Variants in SPPL2A observed in about 807,000 individuals in gnomAD.
The protein encoded by SPPL2A is signal peptide peptidase like 2A, also known as signal peptide peptidase-like 2A.
A neutral mutation model predicts 63.8 loss-of-function variants in SPPL2A; 51 were observed. The ratio of observed to expected loss-of-function variants is 0.80; its 90% CI spans 0.64 to 1.01. SPPL2A has a LOEUF of 1.01. Ranked by LOEUF, SPPL2A falls within the 50% of genes least tolerant of loss-of-function variation. SPPL2A has a pLI of 0.00. For missense variants in SPPL2A, 553 were observed against 622.7 expected, an observed-to-expected ratio of 0.89 and a Z score of 1.19; for synonymous variants, 188 against 205.8, an observed-to-expected ratio of 0.91 and a Z score of 0.74.
chr15:50,731,828 T>A (rs1033884724), intron 9 of SPPL2A, among the ~76,000 whole-genome samples: 4 of 141,428 alleles, frequency 2.8e-5, no homozygotes, highest in Non-Finnish European at 4.5e-5. Context: ...CTTGGGAGGC[T>A]GAGACAGGAG....
intron 14 of SPPL2A, among the ~76,000 whole-genome samples, chr15:50,712,590 C>T (rs1176722605): frequency 6.6e-6 from 1 of 151,886 alleles, no homozygotes; most frequent in Non-Finnish European, 1.5e-5. Flanking sequence ...CATCCACCTG[C>T]CTCACACCAA....
intron 1 of SPPL2A, among the ~76,000 whole-genome samples, chr15:50,752,061 C>T (rs1409968349): frequency 6.6e-6 from 1 of 151,972 alleles, no homozygotes; most frequent in Non-Finnish European, 1.5e-5. Flanking sequence ...GAACTCCTGA[C>T]CTCAGGTGAT....
chr15:50,721,995 C>A, intron 13 of SPPL2A, 129 bp downstream of exon 13: 1 of 576,976 alleles, frequency 1.7e-6, no homozygotes, highest in Non-Finnish European at 3.1e-6. Flanking sequence ...TGCCTTGGCC[C>A]CCAAAGTGCT....
chr15:50,745,277 A>G (rs1360240321), intron 5 of SPPL2A, among the ~76,000 whole-genome samples: 1 of 152,076 alleles, frequency 6.6e-6, no homozygotes, highest in Non-Finnish European at 1.5e-5. Context: ...CAGGCTCCTG[A>G]GTAGCTGGGA....
chr15:50,710,071 C>T (rs934534692), intron 14 of SPPL2A, among the ~76,000 whole-genome samples: 5 of 152,136 alleles, frequency 3.3e-5, no homozygotes, highest in African/African-American at 1.2e-4. Context: ...TATATTTAGG[C>T]CCCTCTTCTT....
intron 13 of SPPL2A, among the ~76,000 whole-genome samples, chr15:50,721,703 C>T (rs2062648293): frequency 6.6e-6 from 1 of 151,646 alleles, no homozygotes; most frequent in Non-Finnish European, 1.5e-5. Context: ...CTCCCAGGTT[C>T]AAGTGATTCT....
Position 50,705,915 on chromosome 15 carries a change from C to G in SPPL2A, c.*1885G>C, listed in dbSNP as rs2062504416. Reference sequence around the variant, plus strand: ...TGAAAAATCCTGCTGCCTTTGTTATCACTTGTCATTTGCGAAATTCTTACT... The same window carrying G: ...TGAAAAATCCTGCTGCCTTTGTTATGACTTGTCATTTGCGAAATTCTTACT... On this transcript the variant is annotated 3_prime_UTR_variant, in exon 15 of 15. Coordinates refer to ENST00000261854, the MANE Select transcript of SPPL2A (RefSeq NM_032802.4). 1 of 152,168 alleles carries G rather than the reference C, an allele frequency of 6.6e-6. No homozygotes were observed. The highest frequency in any genetic ancestry group is 1.5e-5 in the Non-Finnish European group (1 of 68,030). 9.4% of individuals were successfully genotyped at this position (152,168 alleles called of 1,614,324 possible). A position where few individuals can be genotyped will look rare whatever the true frequency, so the allele number is the denominator to read the frequency against.
chr15:50,725,364 AAAC>A (rs1179756879), intron 11 of SPPL2A, 41 bp from the exon 12 acceptor site: 1 of 1,093,176 alleles, frequency 9.1e-7, no homozygotes, highest in Non-Finnish European at 1.4e-6. Flanking sequence ...ACAAAACAAA[AAAC>A]AAAACAGAGG....
intron 1 of SPPL2A, among the ~76,000 whole-genome samples, chr15:50,761,881 G>A (rs150468552): frequency 9.5e-4 from 145 of 152,006 alleles, no homozygotes; most frequent in African/African-American, 3.3e-3. Context: ...GCAGTGAGCC[G>A]AGATAAGGCC....
intron 13 of SPPL2A, among the ~76,000 whole-genome samples, chr15:50,721,851 C>T (rs923675401): frequency 1.3e-5 from 2 of 151,896 alleles, no homozygotes; most frequent in African/African-American, 4.8e-5. Context: ...TATGATCTGC[C>T]TGCCTCGGCC....
At chr15:50,744,481 A>G (rs2062843528) in intron 5 of SPPL2A, among the ~76,000 whole-genome samples, 4 of 152,224 alleles carry the variant, frequency 2.6e-5, no homozygotes, top group Admixed American at 2.0e-4. Flanking sequence ...CATACATGAA[A>G]TAATATGCTC....
chr15:50,730,192 A>G (rs1184909665), intron 10 of SPPL2A, among the ~76,000 whole-genome samples: 2 of 152,148 alleles, frequency 1.3e-5, no homozygotes, highest in Admixed American at 1.3e-4. Flanking sequence ...CAAATAATTA[A>G]GGACCACCAT....
chr15:50,719,918 T>G (rs377103924), intron 14 of SPPL2A, 22 bp downstream of exon 14: 4 of 1,578,954 alleles, frequency 2.5e-6, no homozygotes, highest in Non-Finnish European at 3.4e-6. Flanking sequence ...GATAACTTGG[T>G]AACCAAAGTA....
At chr15:50,753,805 CT>C (rs992247525) in intron 1 of SPPL2A, among the ~76,000 whole-genome samples, 1 of 150,778 alleles carries the variant, frequency 6.6e-6, no homozygotes, top group Non-Finnish European at 1.5e-5. Flanking sequence ...CTCTTTTTTT[CT>C]TTTTTTTTGA....
At chr15:50,725,973 T>C in intron 11 of SPPL2A, 2 of 677,182 alleles carry the variant, frequency 3.0e-6, no homozygotes, top group Non-Finnish European at 4.4e-6. Flanking sequence ...CAGGCCTAAT[T>C]TTTTTTGGCA....
At chr15:50,749,926 A>T (rs2062893642) in intron 1 of SPPL2A, 180 bp from the exon 2 acceptor site, 2 of 594,632 alleles carry the variant, frequency 3.4e-6, no homozygotes, top group South Asian at 4.0e-5. Flanking sequence ...TTAAAACTAT[A>T]CACAATTGCC....
At chr15:50,733,429 C>A (rs1388591831) in intron 8 of SPPL2A, among the ~76,000 whole-genome samples, 2 of 151,726 alleles carry the variant, frequency 1.3e-5, no homozygotes, top group Non-Finnish European at 2.9e-5. Context: ...TTCTTATATC[C>A]CCCTCTTTCT....
intron 5 of SPPL2A, among the ~76,000 whole-genome samples, chr15:50,744,443 A>G (rs1266076667): frequency 6.6e-6 from 1 of 152,174 alleles, no homozygotes; most frequent in Non-Finnish European, 1.5e-5. Flanking sequence ...CTATAGATCA[A>G]TTCACAAGGC....
chr15:50,723,163 C>T (rs970496270), intron 12 of SPPL2A, among the ~76,000 whole-genome samples: 2 of 152,058 alleles, frequency 1.3e-5, no homozygotes, highest in African/African-American at 2.4e-5. Flanking sequence ...GAAAAGTAAG[C>T]CTTAGAGACG....
Sources: allele counts gnomAD v4.1 joint callset (sites outside exome capture counted in the v4.1 genomes callset), GRCh38; gene constraint gnomAD v4.1.1; transcripts MANE v1.5; gene names NCBI Gene and HGNC (gene_info 2026-07-23, HGNC 2026-07-21).